ADAMTS16: variants seen among roughly 807,000 people sequenced by gnomAD.
ADAMTS16 encodes the protein A disintegrin and metalloproteinase with thrombospondin motifs 16.
In ADAMTS16, 94 loss-of-function variants were observed where a neutral mutation model predicts 145.8. The ratio of observed to expected loss-of-function variants is 0.64; its 90% CI spans 0.55 to 0.77. ADAMTS16 has a LOEUF of 0.77. Ranked by LOEUF, ADAMTS16 falls within the 30% of genes least tolerant of loss-of-function variation. The pLI, the probability that ADAMTS16 is intolerant of heterozygous loss-of-function variation, is 0.00. For missense variants in ADAMTS16, 1,585 were observed against 1,591.5 expected, an observed-to-expected ratio of 1.00 and a Z score of 0.07; for synonymous variants, 659 against 604.3, an observed-to-expected ratio of 1.09 and a Z score of -1.33.
intron 18 of ADAMTS16, among the ~76,000 whole-genome samples, chr5:5,280,870 G>T (rs960054379): frequency 1.3e-5 from 2 of 152,216 alleles, no homozygotes; most frequent in Non-Finnish European, 2.9e-5. Flanking sequence ...GCTCAGAACT[G>T]TTCTGGTTTT....
At chr5:5,211,084 G>T (rs1736262384) in intron 10 of ADAMTS16, among the ~76,000 whole-genome samples, 1 of 152,182 alleles carries the variant, frequency 6.6e-6, no homozygotes, top group African/African-American at 2.4e-5. Flanking sequence ...GATTATCAGA[G>T]TTGTGCTGAC....
Position 5,239,202 on chromosome 5 carries a change from G to A in ADAMTS16, c.2206G>A (p.Gly736Arg). ...ATCTGATGCTGTTGAAGACGTCTGTGGGGTGTGTAACGGGAATAACTCAGC... is the reference window on the plus strand; with the variant it reads ...ATCTGATGCTGTTGAAGACGTCTGTAGGGTGTGTAACGGGAATAACTCAGC... ...LGSDAVEDVC[G>R]VCNGNNSACT... The change falls in exon 15 of 23, where the codon GGG (glycine) becomes AGG (arginine). Residue 736 changes from glycine (G) to arginine (R), a missense_variant. Physicochemically the swap from Gly to Arg is moderately radical, Grantham distance 125. This residue lies in a region of ADAMTS16 where 834 missense variants were observed against 811.7 expected (regional missense o/e 1.03). Transcript: ENST00000274181. The A allele has an allele frequency of 1.2e-6, 2 of 1,603,242 alleles. No individual in the cohort carries two copies. The highest frequency in any genetic ancestry group is 8.5e-7 in the Non-Finnish European group (1 of 1,175,456).
At chr5:5,151,832 T>C (rs1205226339) in intron 3 of ADAMTS16, among the ~76,000 whole-genome samples, 1 of 152,094 alleles carries the variant, frequency 6.6e-6, no homozygotes, top group Non-Finnish European at 1.5e-5. Context: ...TAGGTCTTTA[T>C]ACTTATTCAT....
At chr5:5,300,973 T>C (rs767810561) in intron 18 of ADAMTS16, among the ~76,000 whole-genome samples, 18 of 152,204 alleles carry the variant, frequency 1.2e-4, no homozygotes, top group Non-Finnish European at 2.4e-4. Flanking sequence ...TCGATCCAGA[T>C]TGTGGAATTA....
At position 5,150,395 on chromosome 5, in the gene ADAMTS16, G is replaced by A. The variant is rs569614570; in HGVS notation, c.501+3940G>A. Among the ~76,000 whole-genome samples the A allele has an allele frequency of 2.6e-4, 39 of 152,322 alleles. No individual in the cohort carries two copies. The South Asian group carries it at 8.1e-3, about 32-fold the overall frequency. ...GCTTTATTACTTAGAGATAGGTAGG[G>A]CAGCAAGGGACAGCTGAAGCCTAGG... On this transcript the variant is annotated intron_variant, in intron 3 of 22. Transcript: ENST00000274181.
intron 13 of ADAMTS16, among the ~76,000 whole-genome samples, 167 bp from the exon 14 acceptor site, chr5:5,236,797 AGAAAC>A (rs564202100): frequency 0.061 from 411 of 6,770 alleles, no homozygotes; most frequent in Middle Eastern, 0.4. Context: ...ATAAATTTAA[AGAAAC>A]AAAACAAAAC....
chr5:5,318,232 G>C lies in ADAMTS16; in HGVS notation c.3510G>C (p.Ser1170=). Residue 1170 remains serine (S), a synonymous_variant, in exon 22 of 23, where the codon TCG becomes TCC. Coordinates refer to ENST00000274181, the MANE Select transcript of ADAMTS16 (RefSeq NM_139056.4). ...GCTGCCTCCTGCACCAGAAGCCTTC[G>C]GCCTCCCTGGCCTGCAACACTCACT... ...ASGCLLHQKP[S]ASLACNTHFC... 1 of 1,563,036 alleles carries C rather than the reference G, an allele frequency of 6.4e-7. No homozygotes were observed.
chr5:5,252,783 C>T (rs995142322), intron 17 of ADAMTS16, among the ~76,000 whole-genome samples: 28 of 152,102 alleles, frequency 1.8e-4, no homozygotes, highest in Non-Finnish European at 1.0e-4. Flanking sequence ...AGGCAGTTTC[C>T]GTCCCCCTAT....
At chr5:5,195,516 G>T (rs533193597) in intron 8 of ADAMTS16, among the ~76,000 whole-genome samples, 32 of 152,250 alleles carry the variant, frequency 2.1e-4, no homozygotes, top group African/African-American at 6.3e-4. Context: ...CTAGGTTTCC[G>T]ATCTGCAAAA....
chr5:5,266,698 C>T (rs1738251077), intron 18 of ADAMTS16, among the ~76,000 whole-genome samples: 1 of 152,208 alleles, frequency 6.6e-6, no homozygotes, highest in South Asian at 2.1e-4. Context: ...GGGAGCTCTC[C>T]TCCTCCTGGG....
At chr5:5,239,419 GCC>G (rs1471245926) in intron 15 of ADAMTS16, 145 bp downstream of exon 15, 6 of 1,326,870 alleles carry the variant, frequency 4.5e-6, no homozygotes, top group Admixed American at 2.7e-5. Flanking sequence ...TGCTTCTCGA[GCC>G]TCTTGCTTTG....
intron 3 of ADAMTS16, among the ~76,000 whole-genome samples, chr5:5,164,418 T>G (rs1286726201): frequency 6.6e-6 from 1 of 152,232 alleles, no homozygotes; most frequent in Non-Finnish European, 1.5e-5. Flanking sequence ...CTGGCTGCAG[T>G]CTCTCAGCTT....
chr5:5,261,267 A>G (rs1258578389), intron 17 of ADAMTS16, among the ~76,000 whole-genome samples: 1 of 151,846 alleles, frequency 6.6e-6, no homozygotes, highest in Non-Finnish European at 1.5e-5. Context: ...CCTCCTGAGT[A>G]CGCGGGACTA....
chr5:5,286,172 C>T lies in ADAMTS16; in HGVS notation c.2790-17096C>T, dbSNP rs146951458. On this transcript the variant is annotated intron_variant, in intron 18 of 22. Transcript: ENST00000274181. ...CTTTAAATACAGCCTTTCTCTACCC[C>T]CAACTCATTGTAACAATACTGAGCA... is the stretch of plus-strand genomic sequence containing the variant. Among the ~76,000 whole-genome samples, 530 of 152,270 alleles carry T rather than the reference C, an allele frequency of 3.5e-3. 3 individuals are homozygous for T. Among genetic ancestry groups the T allele is most frequent in the African/African-American group, 0.012 (496 of 41,554 alleles).
At chr5:5,316,284 C>T (rs1231871735) in intron 21 of ADAMTS16, among the ~76,000 whole-genome samples, 10 of 152,184 alleles carry the variant, frequency 6.6e-5, no homozygotes, top group African/African-American at 2.4e-4. Context: ...ACAGTGTGAT[C>T]CTTGCATTTT....
rs944085479 is a variant in ADAMTS16 at position 5,140,719 on chromosome 5, C to G, written c.128C>G (p.Pro43Arg). The change falls in exon 2 of 23, where the codon CCG becomes CGG. Residue 43 changes from proline to arginine, a missense_variant. Coordinates refer to ENST00000274181, the MANE Select transcript of ADAMTS16 (RefSeq NM_139056.4). The stretch of plus-strand genomic sequence containing the variant: ...GCAGCGCCTGGGAGCCCGAGCGTCC[C>G]GCGTCCTCCTCCACCCGCGGAGCGG... ...AAAAPGSPSVPRPPPPAERPG... is the reference protein window; with the variant it reads ...AAAAPGSPSVRRPPPPAERPG... 10 of 1,570,688 alleles carry G rather than the reference C, an allele frequency of 6.4e-6. No homozygotes were observed. The highest frequency in any genetic ancestry group is 1.3e-5 in the African/African-American group (1 of 74,280).
intron 18 of ADAMTS16, among the ~76,000 whole-genome samples, chr5:5,284,414 A>G (rs747144521): frequency 7.9e-5 from 12 of 152,240 alleles, no homozygotes; most frequent in South Asian, 2.1e-4. Flanking sequence ...CTGTTTTACA[A>G]TCTTCACCAC....
chr5:5,218,219 TC>T (rs1343838038), intron 10 of ADAMTS16, among the ~76,000 whole-genome samples: 1 of 152,258 alleles, frequency 6.6e-6, no homozygotes, highest in African/African-American at 2.4e-5. Context: ...AGTTTACTTT[TC>T]TTTTTTTAAC....
chr5:5,281,291 T>C (rs1230902213), intron 18 of ADAMTS16, among the ~76,000 whole-genome samples: 3 of 152,188 alleles, frequency 2.0e-5, no homozygotes, highest in African/African-American at 7.2e-5. Context: ...TAATAGATAA[T>C]AGCGCTTATG....
Sources: allele counts gnomAD v4.1 joint callset (sites outside exome capture counted in the v4.1 genomes callset), GRCh38; gene constraint gnomAD v4.1.1; regional missense constraint gnomAD v4.1.1; transcripts MANE v1.5; gene names NCBI Gene and HGNC (gene_info 2026-07-23, HGNC 2026-07-21).